The following LPAR3 variants were observed in gnomAD, a reference collection of about 807,000 sequenced individuals.
LPAR3 encodes the protein lysophosphatidic acid receptor 3.
LPAR3 carries 7 observed loss-of-function variants against 17.8 expected under a neutral mutation model. The ratio of observed to expected loss-of-function variants is 0.39; its 90% CI spans 0.22 to 0.74. LPAR3 has a LOEUF of 0.74. LPAR3 is among the 30% of genes least tolerant of loss of function. The pLI, the probability that LPAR3 is intolerant of heterozygous loss-of-function variation, is 0.40. For synonymous variants in LPAR3, 179 were observed against 179.9 expected, an observed-to-expected ratio of 0.99 and a Z score of 0.04; for missense variants, 391 against 453.4, an observed-to-expected ratio of 0.86 and a Z score of 1.25.
Position 84,876,831 on chromosome 1 carries a change from GAGAA to G in LPAR3, c.-18-10697_-18-10694del, listed in dbSNP as rs549604303. ...CTTTTCCTAATTATAACAACTCTCA[GAGAA>G]AGAAAGGGGAATATATCACATTCCC... On this transcript the variant is annotated intron_variant, in intron 1 of 2. Coordinates refer to ENST00000370611, the MANE Select transcript of LPAR3 (RefSeq NM_012152.3). Among the ~76,000 whole-genome samples, 541 of 152,288 alleles carry G rather than the reference GAGAA, an allele frequency of 3.6e-3. 5 individuals carry two copies. Among genetic ancestry groups the G allele is most frequent in the African/African-American group, 0.012 (515 of 41,552 alleles).
intron 1 of LPAR3, among the ~76,000 whole-genome samples, chr1:84,884,652 C>T (rs1338351234): frequency 1.3e-5 from 2 of 152,170 alleles, no homozygotes; most frequent in African/African-American, 4.8e-5. Flanking sequence ...ACACCTTCTC[C>T]TAAAGCATTT....
At chr1:84,858,483 CAAAAAAAAAAAAA>C in intron 2 of LPAR3, among the ~76,000 whole-genome samples, 1 of 105,784 alleles carries the variant, frequency 9.5e-6, no homozygotes, top group East Asian at 2.8e-4. Flanking sequence ...GAGACTGTCT[CAAAAAAAAAAAAA>C]AAAAAAAACC....
At chr1:84,864,009 C>T (rs958303308) in intron 2 of LPAR3, among the ~76,000 whole-genome samples, 1 of 151,860 alleles carries the variant, frequency 6.6e-6, no homozygotes, top group Non-Finnish European at 1.5e-5. Flanking sequence ...CTCAGGAGTT[C>T]GAGAGTAGCC....
intron 2 of LPAR3, among the ~76,000 whole-genome samples, chr1:84,823,430 A>G (rs1383290609): frequency 6.6e-6 from 1 of 152,220 alleles, no homozygotes; most frequent in African/African-American, 2.4e-5. Flanking sequence ...TGTAGAAAAA[A>G]GGACACCAAG....
At chr1:84,887,317 C>T (rs1660480573) in intron 1 of LPAR3, among the ~76,000 whole-genome samples, 1 of 150,810 alleles carries the variant, frequency 6.6e-6, no homozygotes, top group South Asian at 2.1e-4. Flanking sequence ...GTTGGGGCTG[C>T]AGTGAGCCAA....
At chr1:84,842,216 G>A (rs147672345) in intron 2 of LPAR3, among the ~76,000 whole-genome samples, 15 of 152,278 alleles carry the variant, frequency 9.9e-5, no homozygotes, top group African/African-American at 3.6e-4. Flanking sequence ...TCTTGTTTTT[G>A]CAATCAGAAG....
chr1:84,851,196 T>C (rs925831140), intron 2 of LPAR3, among the ~76,000 whole-genome samples: 5 of 152,128 alleles, frequency 3.3e-5, no homozygotes, highest in Non-Finnish European at 7.3e-5. Context: ...CTCAATAGAG[T>C]TGTTATTAGA....
chr1:84,870,056 CA>C (rs1402030876), intron 1 of LPAR3, among the ~76,000 whole-genome samples: 1 of 152,144 alleles, frequency 6.6e-6, no homozygotes, highest in Admixed American at 6.5e-5. Flanking sequence ...CTAGAATTAC[CA>C]AAAATTTTTA....
intron 1 of LPAR3, among the ~76,000 whole-genome samples, chr1:84,892,005 C>G (rs2102777685): frequency 6.6e-6 from 1 of 152,032 alleles, no homozygotes; most frequent in Admixed American, 6.6e-5. Context: ...CGAGGTCAAG[C>G]GTTCGAGATC....
intron 2 of LPAR3, among the ~76,000 whole-genome samples, chr1:84,859,069 G>T (rs1286536739): frequency 6.6e-6 from 1 of 152,160 alleles, no homozygotes; most frequent in Non-Finnish European, 1.5e-5. Context: ...ATACATCTAG[G>T]GGAGTTGCAG....
chr1:84,820,513 G>C (rs1260716283), intron 2 of LPAR3, among the ~76,000 whole-genome samples: 4 of 152,188 alleles, frequency 2.6e-5, no homozygotes, highest in Non-Finnish European at 5.9e-5. Context: ...ATAGCGTGAA[G>C]CATCTGGGTA....
intron 1 of LPAR3, among the ~76,000 whole-genome samples, chr1:84,872,458 T>C (rs1002952098): frequency 6.6e-6 from 1 of 152,132 alleles, no homozygotes; most frequent in Admixed American, 6.5e-5. Flanking sequence ...TCTATTAGTA[T>C]GAACACCAGA....
chr1:84,849,268 G>C (rs572041640), intron 2 of LPAR3, among the ~76,000 whole-genome samples: 6 of 151,568 alleles, frequency 4.0e-5, no homozygotes, highest in Non-Finnish European at 8.8e-5. Flanking sequence ...CCAGCTACTC[G>C]GGAGGCTGAG....
intron 2 of LPAR3, among the ~76,000 whole-genome samples, chr1:84,845,134 A>G (rs1659572648): frequency 6.6e-6 from 1 of 152,228 alleles, no homozygotes; most frequent in Non-Finnish European, 1.5e-5. Flanking sequence ...CCTGATCCAT[A>G]AAATGAGGCT....
chr1:84,857,002 C>T (rs982031845), intron 2 of LPAR3, among the ~76,000 whole-genome samples: 3 of 152,096 alleles, frequency 2.0e-5, no homozygotes, highest in Admixed American at 6.5e-5. Context: ...CTGTGGTGAC[C>T]ATGTGTTCAG....
chr1:84,870,027 G>A (rs1177601289), intron 1 of LPAR3, among the ~76,000 whole-genome samples: 1 of 152,164 alleles, frequency 6.6e-6, no homozygotes, highest in Non-Finnish European at 1.5e-5. Context: ...GTTATCTACA[G>A]ATTATCATAC....
At chr1:84,826,964 T>C (rs1378901047) in intron 2 of LPAR3, among the ~76,000 whole-genome samples, 7 of 152,224 alleles carry the variant, frequency 4.6e-5, no homozygotes. Flanking sequence ...CACTATAAGA[T>C]TGATACAAGT....
At chr1:84,872,476 A>G (rs1660173491) in intron 1 of LPAR3, among the ~76,000 whole-genome samples, 1 of 152,184 alleles carries the variant, frequency 6.6e-6, no homozygotes, top group African/African-American at 2.4e-5. Context: ...AGAAACAAAG[A>G]TTCCTCTTTG....
At chr1:84,866,287 C>T in intron 1 of LPAR3, 149 bp from the exon 2 acceptor site, 1 of 631,928 alleles carries the variant, frequency 1.6e-6, no homozygotes, top group East Asian at 2.7e-5. Flanking sequence ...GTCCTTTGGT[C>T]CAGGACATAG....
Sources: allele counts gnomAD v4.1 joint callset (sites outside exome capture counted in the v4.1 genomes callset), GRCh38; gene constraint gnomAD v4.1.1; transcripts MANE v1.5; gene names NCBI Gene and HGNC (gene_info 2026-07-23, HGNC 2026-07-21).